NOTCH2: variants seen among roughly 807,000 people sequenced by gnomAD.
NOTCH2 encodes notch receptor 2.
Under a neutral mutation model 235.8 loss-of-function variants are expected in NOTCH2, and 29 were observed. The ratio of observed to expected loss-of-function variants is 0.12; its 90% CI spans 0.09 to 0.17. The LOEUF is 0.17. Ranked by LOEUF, NOTCH2 falls within the 10% of genes least tolerant of loss-of-function variation. The pLI is 1.00. For synonymous variants in NOTCH2, 1,086 were observed against 1,141.5 expected (o/e 0.95, Z 0.98); for missense variants, 2,285 against 3,150.2 (o/e 0.73, Z 6.57).
At chr1:119,980,608 G>A (rs889154463) in intron 5 of NOTCH2, among the ~76,000 whole-genome samples, 11 of 152,014 alleles carry the variant, frequency 7.2e-5, no homozygotes, top group African/African-American at 2.7e-4. Context: ...AATTTCTAAT[G>A]ACTCAAATAT....
At chr1:119,931,101 TTAA>T (rs1649640439) in intron 22 of NOTCH2, among the ~76,000 whole-genome samples, 1 of 138,294 alleles carries the variant, frequency 7.2e-6, no homozygotes, top group Non-Finnish European at 1.5e-5. Context: ...AGACTCTGTC[TTAA>T]AAAAAAAAAA....
In NOTCH2 at chr1:119,937,436, G is replaced by A; in HGVS notation, c.3368C>T (p.Ser1123Leu). The change falls in exon 21 of 34, where the codon TCA (serine) becomes TTA (leucine). Residue 1123 changes from serine (S) to leucine (L), a missense_variant. Around this residue, in one of 6 missense-constraint regions of NOTCH2, gnomAD observed 1,173 missense variants for 1,515.3 expected, o/e 0.77. Coordinates refer to ENST00000256646, the MANE Select transcript of NOTCH2 (RefSeq NM_024408.4). ...GVLVEHLCQH[S>L]GVCINAGNTH... ...GTTGCCAGCATTGATGCAGACACCT[G>A]AGTGCTGGCACAAGTGTTCAACAAG... The A allele has an allele frequency of 1.2e-6, 2 of 1,613,874 alleles. No homozygotes were observed. Among genetic ancestry groups the A allele is most frequent in the African/African-American group, 1.3e-5 (1 of 75,044 alleles).
chr1:119,997,930 T>C (rs1400752715), intron 3 of NOTCH2, among the ~76,000 whole-genome samples: 30 of 143,034 alleles, frequency 2.1e-4, no homozygotes, highest in African/African-American at 6.7e-4. Flanking sequence ...GCCGAGATTG[T>C]ACCACTGCAC....
intron 22 of NOTCH2, among the ~76,000 whole-genome samples, chr1:119,931,101 T>TAA (rs782359839): frequency 1.4e-5 from 2 of 138,296 alleles, no homozygotes; most frequent in African/African-American, 2.9e-5. Flanking sequence ...AGACTCTGTC[T>TAA]TAAAAAAAAA....
At chr1:119,975,561 G>A (rs587650066) in intron 5 of NOTCH2, among the ~76,000 whole-genome samples, 3 of 151,380 alleles carry the variant, frequency 2.0e-5, no homozygotes, top group Admixed American at 1.3e-4. Context: ...CAGGAGAATC[G>A]CTTGAATCCA....
At chr1:119,942,170 C>T (rs1650086683) in intron 17 of NOTCH2, among the ~76,000 whole-genome samples, 1 of 152,166 alleles carries the variant, frequency 6.6e-6, no homozygotes, top group Admixed American at 6.5e-5. Flanking sequence ...AATCTTCTCT[C>T]TCCCTTTCAT....
At chr1:119,953,506 A>G (rs1553198047) in intron 14 of NOTCH2, 37 bp downstream of exon 14, 2 of 1,611,864 alleles carry the variant, frequency 1.2e-6, no homozygotes, top group Admixed American at 1.7e-5. Flanking sequence ...ACAAGAAGAC[A>G]AAGAGCAGAC....
chr1:119,953,875 C>T (rs587600023), intron 13 of NOTCH2, among the ~76,000 whole-genome samples, 187 bp from the exon 14 acceptor site: 8 of 152,168 alleles, frequency 5.3e-5, no homozygotes, highest in Non-Finnish European at 8.8e-5. Context: ...AGTAAAGAAA[C>T]CTTCTTGGTG....
rs1649452509 is a variant in NOTCH2 at position 119,925,737 on chromosome 1, G to A, written c.4079C>T (p.Thr1360Ile). 1.9e-6 allele frequency: 3 copies of A among 1,613,922 alleles called. No individual in the cohort carries two copies. Among genetic ancestry groups the A allele is most frequent in the African/African-American group, 2.7e-5 (2 of 74,922 alleles). ...GCAGAAGCAGCGGGGTCCAGAGGCG[G>A]TGTGCACACACTGCTCCCCCTTCCT... Reference protein sequence around the residue: ...KCRKGEQCVHTASGPRCFCPS... With the variant: ...KCRKGEQCVHIASGPRCFCPS... The change falls in exon 25 of 34, where the codon ACC (threonine) becomes ATC (isoleucine). Residue 1360 changes from threonine to isoleucine, a missense_variant. Coordinates refer to ENST00000256646, the MANE Select transcript of NOTCH2 (RefSeq NM_024408.4).
chr1:120,063,371 G>C (rs1413527657), intron 1 of NOTCH2, among the ~76,000 whole-genome samples: 2 of 151,264 alleles, frequency 1.3e-5, no homozygotes, highest in African/African-American at 4.8e-5. Flanking sequence ...CTCAAAGGAA[G>C]CACCATTTGC....
At position 119,915,874 on chromosome 1, in the gene NOTCH2, G is replaced by A. The variant is rs771105389; in HGVS notation, c.6848C>T (p.Ala2283Val). ...APAEGTHPGI[A>V]PQSRPPEGKH... ...CCCTTCAGGTGGCCTGCTCTGGGGA[G>A]CTATGCCAGGATGGGTGCCCTCAGC... The change falls in exon 34 of 34, where the codon GCT becomes GTT. Residue 2283 changes from alanine (A) to valine (V), a missense_variant. By Grantham distance (64) the Ala-to-Val change is moderately conservative. Around this residue, in one of 6 missense-constraint regions of NOTCH2, gnomAD observed 504 missense variants for 538.0 expected, o/e 0.94. Transcript: ENST00000256646. 4 of 1,614,172 alleles carry A rather than the reference G, an allele frequency of 2.5e-6. No homozygotes were observed. The Admixed American group carries it at 6.7e-5, about 27-fold the overall frequency.
Position 119,916,317 on chromosome 1 carries a change from C to T in NOTCH2, c.6405G>A (p.Leu2135=), listed in dbSNP as rs912482655. ...DAKGSRRKKS[L]SEKVQLSESS... Reference sequence around the variant, plus strand: ...TCTCAGACAGTTGGACCTTCTCACTCAGAGACTTCTTCCTCCTACTACCCT... The same window carrying T: ...TCTCAGACAGTTGGACCTTCTCACTTAGAGACTTCTTCCTCCTACTACCCT... Residue 2135 remains leucine (L), a synonymous_variant, in exon 34 of 34, where the codon CTG becomes CTA. Transcript: ENST00000256646. 1.2e-6 allele frequency: 2 copies of T among 1,614,096 alleles called. No homozygotes were observed. The highest frequency in any genetic ancestry group is 2.7e-5 in the African/African-American group (2 of 74,932).
At chr1:120,004,928 A>G (rs1553206029) in intron 3 of NOTCH2, among the ~76,000 whole-genome samples, 1 of 152,130 alleles carries the variant, frequency 6.6e-6, no homozygotes, top group Non-Finnish European at 1.5e-5. Context: ...GCACACCACC[A>G]CACATGACTA....
In NOTCH2 at chr1:119,913,230, A is replaced by T. The variant is rs965475999; in HGVS notation, c.*2076T>A. The T allele has an allele frequency of 8.6e-6, 2 of 233,214 alleles. No individual in the cohort carries two copies. Among genetic ancestry groups the T allele is most frequent in the Admixed American group, 5.6e-5 (1 of 17,786 alleles). The allele number at this position is 233,214 out of a possible 1,614,324, so 14.4% of individuals were successfully genotyped here. A position where few individuals can be genotyped will look rare whatever the true frequency, so the allele number is the denominator to read the frequency against. ...GAGAGAATAAAGCAGAGAATGAACA[A>T]ACTTAATCTGCTTATCTCAGGGCAG... On this transcript the variant is annotated 3_prime_UTR_variant, in exon 34 of 34. Transcript: ENST00000256646.
At chr1:120,001,533 T>C (rs1438575730) in intron 3 of NOTCH2, among the ~76,000 whole-genome samples, 1 of 152,054 alleles carries the variant, frequency 6.6e-6, no homozygotes, top group Non-Finnish European at 1.5e-5. Flanking sequence ...CACTACAGAG[T>C]GCCCAATTTG....
At chr1:120,056,894 TAAAAC>T (rs1655145653) in intron 1 of NOTCH2, among the ~76,000 whole-genome samples, 3 of 92,924 alleles carry the variant, frequency 3.2e-5, no homozygotes, top group East Asian at 2.5e-4. Context: ...TTGTAAAAAA[TAAAAC>T]AAAATCTGTG....
intron 18 of NOTCH2, 46 bp downstream of exon 18, chr1:119,941,480 C>G (rs1553196442): frequency 7.3e-7 from 1 of 1,378,486 alleles, no homozygotes; most frequent in Non-Finnish European, 1.0e-6. Context: ...TTCCCTTTCT[C>G]CCTTTCTCTC....
rs1553200148 is a variant in NOTCH2, at chr1:119,969,701, G to A, written c.918C>T (p.Pro306=). Residue 306 remains proline (P), a synonymous_variant, in exon 6 of 34, where the codon CCC becomes CCT. Transcript: ENST00000256646. ...TEDVDECLLQ[P]NACQNGGTCA... Reference sequence around the variant, plus strand: ...AGGTGCCCCCATTTTGACAGGCATTGGGCTGCAGCAGGCATTCATCCACAT... The same window carrying A: ...AGGTGCCCCCATTTTGACAGGCATTAGGCTGCAGCAGGCATTCATCCACAT... 1 of 1,613,992 alleles carries A rather than the reference G, an allele frequency of 6.2e-7. No homozygotes were observed. The highest frequency in any genetic ancestry group is 1.3e-5 in the African/African-American group (1 of 74,910).
intron 2 of NOTCH2, among the ~76,000 whole-genome samples, chr1:120,025,341 C>T (rs376816280): frequency 2.0e-5 from 3 of 151,900 alleles, no homozygotes; most frequent in South Asian, 2.1e-4. Context: ...CTTAGAGGGG[C>T]TTAATGAACA....
Sources: gnomAD v4.1 joint callset for allele counts (sites outside exome capture counted in the v4.1 genomes callset) on GRCh38, gnomAD v4.1.1 for gene constraint, gnomAD v4.1.1 regional missense constraint, MANE v1.5 for transcripts, NCBI Gene and HGNC (gene_info 2026-07-23, HGNC 2026-07-21) for gene names.